Variants in ARID1B observed in about 807,000 individuals in gnomAD.
ARID1B encodes the protein AT-rich interaction domain 1B.
Under a neutral mutation model 212.3 loss-of-function variants are expected in ARID1B, and 30 were observed. The observed-to-expected ratio is 0.14, with a 90% CI of 0.11 to 0.19. The LOEUF (loss-of-function observed/expected upper bound fraction) is 0.19, where lower values mean the gene tolerates loss of function less well. Among genes scored for constraint, ARID1B ranks in the 10% least tolerant of loss-of-function variants. ARID1B has a pLI of 1.00. For missense variants in ARID1B, 2,891 were observed against 3,204.0 expected, an observed-to-expected ratio of 0.90 and a Z score of 2.36; for synonymous variants, 1,402 against 1,301.7, an observed-to-expected ratio of 1.08 and a Z score of -1.66.
intron 6 of ARID1B, among the ~76,000 whole-genome samples, chr6:157,121,924 G>C (rs1448271536): frequency 6.6e-6 from 1 of 152,150 alleles, no homozygotes; most frequent in African/African-American, 2.4e-5. Context: ...CTCTGTGCCT[G>C]GCTCGCATAT....
intron 5 of ARID1B, among the ~76,000 whole-genome samples, chr6:157,095,181 A>T (rs118031116): frequency 6.6e-6 from 1 of 152,124 alleles, no homozygotes; most frequent in Non-Finnish European, 1.5e-5. Context: ...CATTTCCAAT[A>T]ATTTCTAGTT....
Position 157,209,890 on chromosome 6 carries a change from G to A in ARID1B, c.*1999G>A, listed in dbSNP as rs111680620. The A allele has an allele frequency of 0.068, 15,821 of 232,866 alleles. 1,078 individuals are homozygous for A. Among genetic ancestry groups the A allele is most frequent in the African/African-American group, 0.2 (8,865 of 45,310 alleles). The allele number at this position is 232,866 out of a possible 1,614,324, so 14.4% of individuals were successfully genotyped here. ...CATTGACTGTTACTGTGTAATAATC[G>A]ATTTCTTTGAAACTGCTGCATAATT... is the stretch of plus-strand genomic sequence containing the variant. On this transcript the variant is annotated 3_prime_UTR_variant, in exon 20 of 20. Transcript: ENST00000636930.
In ARID1B at chr6:156,885,130, G is replaced by GCTAAAATAAAATATAGCTAAAATAAATAA. The variant is rs1437915104; in HGVS notation, c.1987-16246_1987-16245insCTAAAATAAAATATAGCTAAAATAAATAA. ...ATATAGCTAAAATAAAGTAAAATTGGAATATGATCTAATTTCAGAACTAAA... is the reference window on the plus strand; with the variant it reads ...ATATAGCTAAAATAAAGTAAAATTGGCTAAAATAAAATATAGCTAAAATAAATAAAATATGATCTAATTTCAGAACTAAA... On this transcript the variant is annotated intron_variant, in intron 2 of 19. Coordinates refer to ENST00000636930, the MANE Select transcript of ARID1B (RefSeq NM_001374828.1). 4.7e-4 allele frequency among the ~76,000 whole-genome samples: 72 copies of GCTAAAATAAAATATAGCTAAAATAAATAA among 152,208 alleles called. No individual in the cohort carries two copies. The Middle Eastern group carries it at 0.017, about 36-fold the overall frequency.
chr6:156,818,979 A>G (rs1241347627), intron 1 of ARID1B, among the ~76,000 whole-genome samples: 2 of 152,064 alleles, frequency 1.3e-5, no homozygotes, highest in African/African-American at 4.8e-5. Context: ...AAGAACTTGA[A>G]TGTATTATCT....
intron 1 of ARID1B, among the ~76,000 whole-genome samples, chr6:156,787,303 G>A (rs1444000665): frequency 6.6e-6 from 1 of 152,156 alleles, no homozygotes; most frequent in East Asian, 1.9e-4. Context: ...TATGCTGGCT[G>A]AGGAGTAAAT....
At chr6:157,138,936 C>T (rs910466232) in intron 7 of ARID1B, among the ~76,000 whole-genome samples, 1 of 152,132 alleles carries the variant, frequency 6.6e-6, no homozygotes, top group African/African-American at 2.4e-5. Flanking sequence ...GATAGGTGAA[C>T]GTAATCAAGT....
chr6:157,142,154 A>T (rs755010950), intron 7 of ARID1B, among the ~76,000 whole-genome samples: 10 of 152,220 alleles, frequency 6.6e-5, no homozygotes, highest in South Asian at 2.1e-4. Flanking sequence ...TTGTAGAGAA[A>T]TAAAATGACA....
chr6:157,109,870 A>G (rs901191263), intron 5 of ARID1B, among the ~76,000 whole-genome samples: 1 of 152,254 alleles, frequency 6.6e-6, no homozygotes, highest in African/African-American at 2.4e-5. Flanking sequence ...TGGAAATTAA[A>G]TAGATGCTAT....
intron 4 of ARID1B, chr6:156,942,749 C>G (rs1202161273): frequency 2.0e-5 from 3 of 152,814 alleles, no homozygotes; most frequent in Non-Finnish European, 4.4e-5. Flanking sequence ...ACCCATCCTC[C>G]TCCTCCTATT....
rs143946345 is a variant in ARID1B, at chr6:156,889,725, C to T, written c.1987-11651C>T. Among the ~76,000 whole-genome samples the T allele has an allele frequency of 2.5e-4, 38 of 151,968 alleles. No homozygotes were observed. The East Asian group carries it at 7.1e-3, about 29-fold the overall frequency. On this transcript the variant is annotated intron_variant, in intron 2 of 19. Transcript: ENST00000636930. Reference sequence around the variant, plus strand: ...TCTAGCTGCTGTTTCACAATAAAGGCGAACAGGGTGAAAGCAGTTTAGATA... The same window carrying T: ...TCTAGCTGCTGTTTCACAATAAAGGTGAACAGGGTGAAAGCAGTTTAGATA...
intron 4 of ARID1B, chr6:156,938,289 A>G (rs1205161129): frequency 1.3e-5 from 2 of 152,180 alleles, no homozygotes; most frequent in African/African-American, 4.8e-5. Context: ...TCTGTATTTT[A>G]CAATGTTACT....
intron 4 of ARID1B, among the ~76,000 whole-genome samples, chr6:157,051,914 CTTG>C (rs1412963022): frequency 1.8e-4 from 27 of 152,230 alleles, no homozygotes; most frequent in African/African-American, 6.3e-4. Context: ...TTAAAATTCT[CTTG>C]TTATCTGTAT....
chr6:157,070,302 C>G (rs1195325767), intron 4 of ARID1B, among the ~76,000 whole-genome samples: 1 of 151,650 alleles, frequency 6.6e-6, no homozygotes, highest in Non-Finnish European at 1.5e-5. Context: ...ATCAGGTCTT[C>G]AGATCTTTTC....
intron 4 of ARID1B, among the ~76,000 whole-genome samples, chr6:157,005,641 T>C (rs969357829): frequency 6.6e-6 from 1 of 152,194 alleles, no homozygotes; most frequent in African/African-American, 2.4e-5. Flanking sequence ...TCATGAACTT[T>C]GAAAGGAGCA....
At chr6:157,058,138 G>T (rs1382827100) in intron 4 of ARID1B, among the ~76,000 whole-genome samples, 1 of 152,172 alleles carries the variant, frequency 6.6e-6, no homozygotes, top group Non-Finnish European at 1.5e-5. Flanking sequence ...TGGCTTGTCT[G>T]CTACCACCCT....
At chr6:156,900,582 C>A (rs1435072025) in intron 2 of ARID1B, among the ~76,000 whole-genome samples, 1 of 152,118 alleles carries the variant, frequency 6.6e-6, no homozygotes, top group Admixed American at 6.5e-5. Context: ...TTTTCTTTTC[C>A]TTTCCTGCTC....
At chr6:156,875,486 T>C (rs1786474291) in intron 2 of ARID1B, among the ~76,000 whole-genome samples, 1 of 152,288 alleles carries the variant, frequency 6.6e-6, no homozygotes, top group Non-Finnish European at 1.5e-5. Flanking sequence ...AAAGTTTTCA[T>C]TGACCAGCTG....
intron 4 of ARID1B, among the ~76,000 whole-genome samples, chr6:157,048,715 C>T (rs1198879770): frequency 6.6e-6 from 1 of 152,132 alleles, no homozygotes; most frequent in South Asian, 2.1e-4. Context: ...TTGTCATAGT[C>T]GCCTGATCTC....
chr6:157,203,341 G>T lies in ARID1B; in HGVS notation c.5264-525G>T, dbSNP rs909764612. 6.6e-6 allele frequency among the ~76,000 whole-genome samples: 1 copy of T among 152,232 alleles called. No homozygotes were observed. The highest frequency in any genetic ancestry group is 2.4e-5 in the African/African-American group (1 of 41,464). ...TTATCACAGCATGTTCTGAGGGCAG[G>T]AGCACAGGACTAGAGGAAAGCAGCC... On this transcript the variant is annotated intron_variant, in intron 18 of 19. Transcript: ENST00000636930. This position sits in a 1 kb window ranked among gnomAD's most constrained non-coding sequence, Gnocchi z 4.4.
Sources: gnomAD v4.1 joint callset for allele counts (sites outside exome capture counted in the v4.1 genomes callset) on GRCh38, gnomAD v4.1.1 for gene constraint, Gnocchi (gnomAD v3.1) non-coding constraint, MANE v1.5 for transcripts, NCBI Gene and HGNC (gene_info 2026-07-23, HGNC 2026-07-21) for gene names.